ATP6V1B1: variants seen among roughly 807,000 people sequenced by gnomAD.
The protein encoded by ATP6V1B1 is ATPase H+ transporting V1 subunit B1, also known as V-type proton ATPase subunit B, kidney isoform.
Under a neutral mutation model 62.1 loss-of-function variants are expected in ATP6V1B1, and 41 were observed. The ratio of observed to expected loss-of-function variants is 0.66; its 90% CI spans 0.51 to 0.86. ATP6V1B1 has a LOEUF of 0.86. Ranked by LOEUF, ATP6V1B1 falls within the 40% of genes least tolerant of loss-of-function variation. ATP6V1B1 has a pLI of 0.00. For missense variants in ATP6V1B1, 651 were observed against 697.5 expected, an observed-to-expected ratio of 0.93 and a Z score of 0.75; for synonymous variants, 253 against 273.4, an observed-to-expected ratio of 0.93 and a Z score of 0.74.
chr2:70,964,650 A>T, intron 12 of ATP6V1B1, 86 bp from the exon 13 acceptor site: 2 of 1,612,450 alleles, frequency 1.2e-6, no homozygotes, highest in Middle Eastern at 1.7e-4. Flanking sequence ...TCCTTTCCGA[A>T]CGGGGTCCCA....
At chr2:70,938,469 A>T in intron 1 of ATP6V1B1, 1 of 823,618 alleles carries the variant, frequency 1.2e-6, no homozygotes, top group Non-Finnish European at 1.5e-6. Context: ...AAGGGCAGGG[A>T]GGCCCCAGTG....
chr2:70,952,236 C>T (rs1680337762), intron 2 of ATP6V1B1, among the ~76,000 whole-genome samples: 1 of 152,062 alleles, frequency 6.6e-6, no homozygotes, highest in Non-Finnish European at 1.5e-5. Flanking sequence ...CCAAGGTGGG[C>T]AGATCACCTG....
Position 70,963,386 on chromosome 2 carries a change from CA to C in ATP6V1B1, c.1060+75del. 6.2e-7 allele frequency: 1 copy of C among 1,607,696 alleles called. No homozygotes were observed. The highest frequency in any genetic ancestry group is 1.1e-5 in the South Asian group (1 of 90,864). On this transcript the variant is annotated intron_variant, in intron 10 of 13. Coordinates refer to ENST00000234396, the MANE Select transcript of ATP6V1B1 (RefSeq NM_001692.4). The surrounding 1 kb of genome is among the most constrained non-coding windows in gnomAD (Gnocchi z 4.3). The stretch of plus-strand genomic sequence containing the variant: ...TTTCCAACCAGATACTTAAAGGGCC[CA>C]CGTTGCTTTGCACAGATGTGCAGCA...
intron 1 of ATP6V1B1, chr2:70,940,598 A>AT: frequency 1.0e-6 from 1 of 985,346 alleles, no homozygotes; most frequent in Non-Finnish European, 1.2e-6. Flanking sequence ...GGGAAGGGTA[A>AT]TGCCCAAGCC....
chr2:70,938,586 G>A, intron 1 of ATP6V1B1: 1 of 985,388 alleles, frequency 1.0e-6, no homozygotes, highest in African/African-American at 1.7e-5. Flanking sequence ...TCACTGCAGT[G>A]GCTGAGAGAG....
chr2:70,964,940 C>T lies in ATP6V1B1; in HGVS notation c.1379-18C>T. 2 of 1,614,048 alleles carry T rather than the reference C, an allele frequency of 1.2e-6. No individual in the cohort carries two copies. The highest frequency in any genetic ancestry group is 4.5e-5 in the East Asian group (2 of 44,886). On this transcript the variant is annotated intron_variant, in intron 13 of 13. Transcript: ENST00000234396. ...GCCCCACACACATTCCTAACACTCC[C>T]TCCCGCTCTGTCCCTAGGCCCCTAC...
chr2:70,961,098 C>T (rs190416898), intron 7 of ATP6V1B1, 76 bp downstream of exon 7: 13 of 1,452,288 alleles, frequency 9.0e-6, no homozygotes, highest in East Asian at 5.0e-5. Context: ...CCTGGCATGA[C>T]CTGATCTGAT....
In ATP6V1B1 at chr2:70,965,015, G is replaced by A. The variant is rs1680689994; in HGVS notation, c.1436G>A (p.Arg479His). The change falls in exon 14 of 14, where the codon CGC becomes CAC. Residue 479 changes from arginine (R) to histidine (H), a missense_variant. By Grantham distance (29) the Arg-to-His change is conservative. Transcript: ENST00000234396. ...ESLDLGWKLLRIFPKEMLKRI... is the reference protein window; with the variant it reads ...ESLDLGWKLLHIFPKEMLKRI... ...CTGGACCTGGGCTGGAAGCTGCTGC[G>A]CATCTTCCCCAAGGAGATGCTGAAG... 1 of 1,613,788 alleles carries A rather than the reference G, an allele frequency of 6.2e-7. No homozygotes were observed. The highest frequency in any genetic ancestry group is 2.2e-5 in the East Asian group (1 of 44,876).
chr2:70,964,545 AAGG>A lies in ATP6V1B1; in HGVS notation c.1248+6_1248+8del. ...ATGGAGATGTCTCCAACCAGCTGGT[AAGG>A]AGAAGAGGGTCCGGGGGCTGGTAGG... On this transcript the variant is annotated splice_donor_5th_base_variant and intron_variant, in intron 12 of 13. Transcript: ENST00000234396. The A allele has an allele frequency of 1.2e-6, 2 of 1,613,870 alleles. No homozygotes were observed. Among genetic ancestry groups the A allele is most frequent in the Non-Finnish European group, 1.7e-6 (2 of 1,179,770 alleles).
rs1680532030 is a variant in ATP6V1B1, at chr2:70,959,559, A to G, written c.446-380A>G. 6.6e-6 allele frequency among the ~76,000 whole-genome samples: 1 copy of G among 152,170 alleles called. No homozygotes were observed. Among genetic ancestry groups the G allele is most frequent in the Admixed American group, 6.5e-5 (1 of 15,272 alleles). ...TCAGACAGGAGGCTGAGTCACCCGC[A>G]GGCCCTCTGAACCCTGCACTAGTAT... is the stretch of plus-strand genomic sequence containing the variant. On this transcript the variant is annotated intron_variant, in intron 5 of 13. Coordinates refer to ENST00000234396, the MANE Select transcript of ATP6V1B1 (RefSeq NM_001692.4). The surrounding 1 kb of genome is among the most constrained non-coding windows in gnomAD (Gnocchi z 4.2).
chr2:70,936,653 G>C (rs1226488953), intron 1 of ATP6V1B1, among the ~76,000 whole-genome samples: 1 of 152,152 alleles, frequency 6.6e-6, no homozygotes, highest in Non-Finnish European at 1.5e-5. Context: ...CTTGGGGTAA[G>C]GAAATGTGTG....
In ATP6V1B1 at chr2:70,948,168, C is replaced by T. The variant is rs907526125; in HGVS notation, c.174+4455C>T. On this transcript the variant is annotated intron_variant, in intron 2 of 13. Coordinates refer to ENST00000234396, the MANE Select transcript of ATP6V1B1 (RefSeq NM_001692.4). ...TGTCCTTCAGGGACACAGAACGCAC[C>T]ACTCTCCTCTCCACTCTCCTCTCCT... The T allele has an allele frequency of 2.6e-5, 4 of 152,152 alleles. No homozygotes were observed. In the East Asian group the frequency reaches 7.7e-4, roughly 29 times the overall value. The allele number at this position is 152,152 out of a possible 1,614,324, so 9.4% of individuals were successfully genotyped here. A position where few individuals can be genotyped will look rare whatever the true frequency, so the allele number is the denominator to read the frequency against.
rs967063 is a variant in ATP6V1B1 at position 70,958,261 on chromosome 2, A to C, written c.274-72A>C. 745,713 of 1,592,360 alleles carry C rather than the reference A, an allele frequency of 0.47. 179,773 individuals carry two copies. Among genetic ancestry groups the C allele is most frequent in the East Asian group, 0.68 (30,353 of 44,716 alleles). On this transcript the variant is annotated intron_variant, in intron 3 of 13. Coordinates refer to ENST00000234396, the MANE Select transcript of ATP6V1B1 (RefSeq NM_001692.4). The stretch of plus-strand genomic sequence containing the variant: ...GGTCTATTTCCCTGAGAGCACAGAA[A>C]GTGCCCAGAATGGGTAGCCCCATTC...
intron 1 of ATP6V1B1, chr2:70,943,285 G>A (rs1019864527): frequency 4.6e-5 from 20 of 438,470 alleles, no homozygotes; most frequent in Middle Eastern, 6.6e-4. Flanking sequence ...GGCCACAGCC[G>A]GGGGCCAGGA....
intron 2 of ATP6V1B1, among the ~76,000 whole-genome samples, chr2:70,951,013 G>A (rs1214558915): frequency 7.6e-6 from 1 of 131,366 alleles, no homozygotes; most frequent in Admixed American, 8.9e-5. Flanking sequence ...CAAAATCTTG[G>A]CTCACTGCAA....
intron 8 of ATP6V1B1, 56 bp from the exon 9 acceptor site, chr2:70,962,721 A>G (rs781813016): frequency 5.6e-6 from 9 of 1,607,050 alleles, no homozygotes; most frequent in East Asian, 2.2e-5. Context: ...CCCCCAGGCT[A>G]TGTGGTGCAT....
At chr2:70,948,879 G>A (rs1680253962) in intron 2 of ATP6V1B1, among the ~76,000 whole-genome samples, 1 of 152,274 alleles carries the variant, frequency 6.6e-6, no homozygotes, top group South Asian at 2.1e-4. Context: ...CTGGCGGAGT[G>A]GTCCCTACTT....
intron 11 of ATP6V1B1, chr2:70,964,114 A>ATTTTTTTTTTTTTTCTTTTTTTT (rs1680655985): frequency 8.2e-6 from 1 of 121,306 alleles, no homozygotes; most frequent in African/African-American, 5.9e-5. Context: ...CTTGGCAGGT[A>ATTTTTTTTTTTTTTCTTTTTTTT]TTTTTTTTTT....
rs782161828 is a variant in ATP6V1B1 at position 70,958,089 on chromosome 2, G to C, written c.218G>C (p.Gly73Ala). ...ATCGTCCACTTCACCCTCCCAGATG[G>C]GACTCAGAGGAGCGGGCAGGTGCTT... ...AEIVHFTLPD[G>A]TQRSGQVLEV... The change falls in exon 3 of 14, where the codon GGG becomes GCG. Residue 73 changes from glycine to alanine, a missense_variant. Coordinates refer to ENST00000234396, the MANE Select transcript of ATP6V1B1 (RefSeq NM_001692.4). The C allele has an allele frequency of 2.1e-5, 34 of 1,614,018 alleles. No individual in the cohort carries two copies. Among genetic ancestry groups the C allele is most frequent in the Non-Finnish European group, 4.2e-6 (5 of 1,180,044 alleles).
Sources: allele counts gnomAD v4.1 joint callset (sites outside exome capture counted in the v4.1 genomes callset), GRCh38; gene constraint gnomAD v4.1.1; non-coding constraint Gnocchi (gnomAD v3.1); transcripts MANE v1.5; gene names NCBI Gene and HGNC (gene_info 2026-07-23, HGNC 2026-07-21).